Variants in MAX observed in about 807,000 individuals in gnomAD.
The protein encoded by MAX is MYC associated transcriptional regulator X.
MAX carries 3 observed loss-of-function variants against 22.3 expected under a neutral mutation model. The observed-to-expected ratio is 0.13, with a 90% CI of 0.06 to 0.35. The LOEUF (loss-of-function observed/expected upper bound fraction) is 0.35, where lower values mean the gene tolerates loss of function less well. MAX is among the 10% of genes least tolerant of loss of function. The probability of loss-of-function intolerance (pLI) is 1.00; values close to 1 mark genes in which losing one functional copy is unlikely to be tolerated. For synonymous variants in MAX, 72 were observed against 77.7 expected (o/e 0.93, Z 0.39); for missense variants, 119 against 209.4 (o/e 0.57, Z 2.66).
Position 65,012,522 on chromosome 14 carries a change from G to A in MAX, c.172-6238C>T, listed in dbSNP as rs1595016969. ...TCTTTGTTCTCTGTGGCTCTGGCAG[G>A]AGGTAGGGTGCTGTCACAGAGCTGG... is the stretch of plus-strand genomic sequence containing the variant. On this transcript the variant is annotated intron_variant, in intron 3 of 3. Transcript: ENST00000341653. The surrounding 1 kb of genome is among the most constrained non-coding windows in gnomAD (Gnocchi z 5.0). The A allele has an allele frequency of 1.6e-6, 2 of 1,235,044 alleles. No homozygotes were observed. The highest frequency in any genetic ancestry group is 1.4e-5 in the South Asian group (1 of 71,372). 76.5% of individuals were successfully genotyped at this position (1,235,044 alleles called of 1,614,324 possible).
At chr14:65,037,178 A>G (rs927020624) in intron 3 of MAX, among the ~76,000 whole-genome samples, 1 of 149,076 alleles carries the variant, frequency 6.7e-6, no homozygotes, top group Non-Finnish European at 1.5e-5. Context: ...ATCTCGGCTC[A>G]CTGCAACCTC....
In MAX at chr14:65,054,193, G is replaced by A. The variant is rs1266203335; in HGVS notation, c.171+39515C>T. Among the ~76,000 whole-genome samples the A allele has an allele frequency of 6.6e-6, 1 of 152,004 alleles. No homozygotes were observed. Among genetic ancestry groups the A allele is most frequent in the African/African-American group, 2.4e-5 (1 of 41,378 alleles). On this transcript the variant is annotated intron_variant, in intron 3 of 3. Transcript: ENST00000341653. The surrounding 1 kb of genome is among the most constrained non-coding windows in gnomAD (Gnocchi z 4.4). ...AGTGTCACAATCATGACTCACTGCAGCCTTCACCTCTTGGGCTCGAGTGAT... is the reference window on the plus strand; with the variant it reads ...AGTGTCACAATCATGACTCACTGCAACCTTCACCTCTTGGGCTCGAGTGAT...
intron 3 of MAX, among the ~76,000 whole-genome samples, chr14:65,016,926 T>G (rs1168214789): frequency 6.9e-6 from 1 of 145,294 alleles, no homozygotes; most frequent in African/African-American, 2.5e-5. Context: ...CGTGGTTTTT[T>G]TTTTTTTTTT....
At chr14:65,035,741 C>A (rs1007600268) in intron 3 of MAX, among the ~76,000 whole-genome samples, 1 of 151,918 alleles carries the variant, frequency 6.6e-6, no homozygotes, top group Non-Finnish European at 1.5e-5. Context: ...TCTGTGTTGT[C>A]CAGGTGGGGC....
In MAX at chr14:65,102,354, G is replaced by T. The variant is rs1008987129; in HGVS notation, c.-15C>A. Reference sequence around the variant, plus strand: ...TTATCGCTCATTTCCTACGGCCCAGGGAGCGGCCACTGCAGCGGCGGCGGG... The same window carrying T: ...TTATCGCTCATTTCCTACGGCCCAGTGAGCGGCCACTGCAGCGGCGGCGGG... On this transcript the variant is annotated 5_prime_UTR_variant, in exon 1 of 5. Coordinates refer to ENST00000358664, the MANE Select transcript of MAX (RefSeq NM_002382.5). 31 of 1,613,492 alleles carry T rather than the reference G, an allele frequency of 1.9e-5. No individual in the cohort carries two copies. Among genetic ancestry groups the T allele is most frequent in the Non-Finnish European group, 2.5e-5 (30 of 1,179,752 alleles).
In MAX at chr14:65,013,705, G is replaced by A. The variant is rs141696983; in HGVS notation, c.172-7421C>T. Among the ~76,000 whole-genome samples, 365 of 152,166 alleles carry A rather than the reference G, an allele frequency of 2.4e-3. 2 individuals carry two copies. The highest frequency in any genetic ancestry group is 8.3e-3 in the African/African-American group (343 of 41,528). ...CAGGATTACAGGTGTGCACCATCAC[G>A]CCTGGCTAATTTTTGTATTTTTAGT... On this transcript the variant is annotated intron_variant, in intron 3 of 3. Transcript: ENST00000341653.
chr14:65,087,490 T>A (rs1246216005), intron 3 of MAX, among the ~76,000 whole-genome samples: 1 of 152,200 alleles, frequency 6.6e-6, no homozygotes, highest in African/African-American at 2.4e-5. Context: ...CAGCATGACC[T>A]CTATGTGAGA....
chr14:65,086,437 G>A (rs1271992252), intron 3 of MAX, among the ~76,000 whole-genome samples: 2 of 152,204 alleles, frequency 1.3e-5, no homozygotes, highest in African/African-American at 2.4e-5. Flanking sequence ...TGCCCAAAAT[G>A]CTGATAATGA....
intron 2 of MAX, among the ~76,000 whole-genome samples, chr14:65,095,829 T>C (rs1024237749): frequency 6.6e-6 from 1 of 152,196 alleles, no homozygotes; most frequent in African/African-American, 2.4e-5. Flanking sequence ...AATAAAATTC[T>C]AATTGTCTGT....
In MAX at chr14:65,032,546, A is replaced by C; in HGVS notation, c.172-26262T>G. The C allele has an allele frequency of 6.3e-7, 1 of 1,584,046 alleles. No individual in the cohort carries two copies. The highest frequency in any genetic ancestry group is 1.7e-5 in the Admixed American group (1 of 57,436). ...GGCAAGGCGAGCAGTCCGCCCGCGG[A>C]GTTCACTGAGCCTCATTAGCTCTTC... On this transcript the variant is annotated intron_variant, in intron 3 of 3. Coordinates refer to the MAX transcript ENST00000341653. This position sits in a 1 kb window ranked among gnomAD's most constrained non-coding sequence, Gnocchi z 5.0.
intron 3 of MAX, among the ~76,000 whole-genome samples, chr14:65,050,778 T>G (rs553978930): frequency 1.3e-5 from 2 of 152,364 alleles, no homozygotes; most frequent in African/African-American, 4.8e-5. Context: ...TTAAAGCAGT[T>G]TATCAGTATC....
intron 3 of MAX, among the ~76,000 whole-genome samples, chr14:65,045,005 A>G (rs1162171958): frequency 1.3e-5 from 2 of 152,198 alleles, no homozygotes; most frequent in East Asian, 3.9e-4. Flanking sequence ...TCATTGAATA[A>G]GCCTAAATGG....
chr14:65,013,332 T>TC (rs1306971170), intron 3 of MAX, among the ~76,000 whole-genome samples: 2 of 151,502 alleles, frequency 1.3e-5, no homozygotes, highest in East Asian at 3.9e-4. Context: ...TTCCTTTTTT[T>TC]TTTTTCTTCC....
intron 3 of MAX, among the ~76,000 whole-genome samples, chr14:65,048,014 G>C (rs1213055557): frequency 1.7e-5 from 2 of 115,400 alleles, no homozygotes; most frequent in Admixed American, 2.3e-4. Context: ...TTGAGACAGA[G>C]TCTCACTCTG....
At chr14:65,092,681 G>A (rs1186318680) in intron 3 of MAX, among the ~76,000 whole-genome samples, 4 of 152,060 alleles carry the variant, frequency 2.6e-5, no homozygotes, top group African/African-American at 4.8e-5. Flanking sequence ...CCATGTTTAC[G>A]CCACATGGAA....
intron 3 of MAX, among the ~76,000 whole-genome samples, chr14:65,056,905 C>T (rs1405508596): frequency 6.6e-6 from 1 of 152,174 alleles, no homozygotes; most frequent in East Asian, 1.9e-4. Flanking sequence ...AAGGGCATGG[C>T]TCTGGCTTCT....
intron 3 of MAX, among the ~76,000 whole-genome samples, chr14:65,020,506 A>T (rs1595036870): frequency 6.6e-6 from 1 of 151,540 alleles, no homozygotes; most frequent in Non-Finnish European, 1.5e-5. Context: ...GCTCACTGCA[A>T]CCTCCACCTC....
chr14:65,010,538 G>A (rs1256689248), intron 3 of MAX, among the ~76,000 whole-genome samples: 1 of 152,178 alleles, frequency 6.6e-6, no homozygotes, highest in Non-Finnish European at 1.5e-5. Flanking sequence ...CAGCTCCTCA[G>A]AGCTTCTAAC....
At position 65,027,181 on chromosome 14, in the gene MAX, A is replaced by G. The variant is rs1224316230; in HGVS notation, c.172-20897T>C. Among the ~76,000 whole-genome samples, 1 of 152,200 alleles carries G rather than the reference A, an allele frequency of 6.6e-6. No individual in the cohort carries two copies. Among genetic ancestry groups the G allele is most frequent in the Non-Finnish European group, 1.5e-5 (1 of 68,026 alleles). Reference sequence around the variant, plus strand: ...GGGAGACTCTTACCCCATAGCTACGAAAGTCGGTTTCTTCCCAGCCTTGTG... The same window carrying G: ...GGGAGACTCTTACCCCATAGCTACGGAAGTCGGTTTCTTCCCAGCCTTGTG... On this transcript the variant is annotated intron_variant, in intron 3 of 3. Transcript: ENST00000341653. This position sits in a 1 kb window ranked among gnomAD's most constrained non-coding sequence, Gnocchi z 5.7.
Sources: allele counts gnomAD v4.1 joint callset (sites outside exome capture counted in the v4.1 genomes callset), GRCh38; gene constraint gnomAD v4.1.1; non-coding constraint Gnocchi (gnomAD v3.1); transcripts MANE v1.5; gene names NCBI Gene and HGNC (gene_info 2026-07-23, HGNC 2026-07-21).